The following TENM4 variants were observed in gnomAD, a reference collection of about 807,000 sequenced individuals.
TENM4 encodes the protein teneurin transmembrane protein 4, also known as teneurin-4.
TENM4 carries 82 observed loss-of-function variants against 243.3 expected under a neutral mutation model. The observed-to-expected ratio is 0.34, with a 90% confidence interval of 0.28 to 0.40. The LOEUF (loss-of-function observed/expected upper bound fraction) is 0.40, where lower values mean the gene tolerates loss of function less well. Ranked by LOEUF, TENM4 falls within the 10% of genes least tolerant of loss-of-function variation. TENM4 has a pLI of 1.00. For synonymous variants in TENM4, 1,412 were observed against 1,456.3 expected (o/e 0.97, Z 0.69); for missense variants, 3,138 against 3,673.3 (o/e 0.85, Z 3.77).
At chr11:79,308,730 G>A (rs1856667994) in intron 1 of TENM4, among the ~76,000 whole-genome samples, 1 of 152,156 alleles carries the variant, frequency 6.6e-6, no homozygotes, top group South Asian at 2.1e-4. Context: ...ACAGGCCCCT[G>A]GTGCCTCCCA....
At chr11:78,988,419 T>C (rs962672793) in intron 6 of TENM4, among the ~76,000 whole-genome samples, 7 of 152,198 alleles carry the variant, frequency 4.6e-5, no homozygotes, top group African/African-American at 1.7e-4. Context: ...AAATAATAAA[T>C]GTTGTTGTGC....
chr11:78,968,954 G>A (rs561129618), intron 6 of TENM4, among the ~76,000 whole-genome samples: 1 of 152,344 alleles, frequency 6.6e-6, no homozygotes, highest in African/African-American at 2.4e-5. Context: ...AAAGCCCAAT[G>A]TCGCTGCTGG....
chr11:79,327,242 A>G (rs1054771217), intron 1 of TENM4, among the ~76,000 whole-genome samples: 1 of 152,222 alleles, frequency 6.6e-6, no homozygotes, highest in Non-Finnish European at 1.5e-5. Context: ...TTTCTACAAA[A>G]ATAAAACACT....
At chr11:79,182,543 C>T (rs757229301) in intron 3 of TENM4, among the ~76,000 whole-genome samples, 4 of 151,990 alleles carry the variant, frequency 2.6e-5, no homozygotes, top group Non-Finnish European at 5.9e-5. Context: ...ATGCCAAAAG[C>T]ACAATTCTTG....
intron 9 of TENM4, among the ~76,000 whole-genome samples, chr11:78,864,212 C>A (rs1391000272): frequency 2.0e-5 from 3 of 151,968 alleles, no homozygotes; most frequent in African/African-American, 7.3e-5. Flanking sequence ...TTTCACTGTA[C>A]ACCTTTTGCA....
At chr11:78,747,142 G>A (rs1267343431) in intron 19 of TENM4, among the ~76,000 whole-genome samples, 1 of 152,214 alleles carries the variant, frequency 6.6e-6, no homozygotes, top group Non-Finnish European at 1.5e-5. Context: ...AAGGATGAGG[G>A]AGGAGGGGCT....
intron 6 of TENM4, among the ~76,000 whole-genome samples, chr11:78,973,008 G>GATTTC (rs1194075452): frequency 6.6e-6 from 1 of 152,166 alleles, no homozygotes; most frequent in Non-Finnish European, 1.5e-5. Flanking sequence ...CAACGATTAG[G>GATTTC]ATTTCATTTC....
intron 4 of TENM4, among the ~76,000 whole-genome samples, chr11:79,072,646 A>C (rs1860444947): frequency 6.6e-6 from 1 of 152,218 alleles, no homozygotes; most frequent in Non-Finnish European, 1.5e-5. Context: ...ATTCTCTTTC[A>C]TTTTTAAAAA....
At chr11:79,375,017 T>G (rs1857864507) in intron 1 of TENM4, among the ~76,000 whole-genome samples, 1 of 152,206 alleles carries the variant, frequency 6.6e-6, no homozygotes, top group Non-Finnish European at 1.5e-5. Flanking sequence ...TGAGAAAGAC[T>G]GGAAAGAAAT....
chr11:78,734,927 T>C (rs1544267), intron 20 of TENM4, among the ~76,000 whole-genome samples: 100,135 of 152,122 alleles, frequency 0.66, 33,823 homozygotes, highest in Non-Finnish European at 0.75. Flanking sequence ...CTTCTTACTT[T>C]GGCTGTTACT....
intron 6 of TENM4, among the ~76,000 whole-genome samples, chr11:78,921,266 T>C (rs1856441186): frequency 6.6e-6 from 1 of 152,122 alleles, no homozygotes; most frequent in Non-Finnish European, 1.5e-5. Context: ...TAGAAAGTAA[T>C]GGGGGAGATG....
intron 6 of TENM4, among the ~76,000 whole-genome samples, chr11:78,959,891 G>A (rs1472280434): frequency 6.6e-6 from 1 of 152,084 alleles, no homozygotes; most frequent in African/African-American, 2.4e-5. Context: ...TCTTCTACGT[G>A]TAAGGCTTAC....
chr11:78,669,066 G>A lies in TENM4; in HGVS notation c.7279C>T (p.Arg2427Cys), dbSNP rs774057206. The change falls in exon 32 of 34, where the codon CGC (arginine) becomes TGC (cysteine). Residue 2427 changes from arginine to cysteine, a missense_variant. Physicochemically the swap from Arg to Cys is radical, Grantham distance 180. This residue lies in a region of TENM4 where 2,467 missense variants were observed against 3,059.1 expected (regional missense o/e 0.81). Transcript: ENST00000278550. This position sits in a 1 kb window ranked among gnomAD's most constrained non-coding sequence, Gnocchi z 6.4. ...AGCTCGTGGTCTGGGCTAGTCCAGC[G>A]TCCGGCCAGCACATCATAATCTCGC... Reference protein sequence around the residue: ...GRRDYDVLAGRWTSPDHELWK... With the variant: ...GRRDYDVLAGCWTSPDHELWK... 6.8e-6 allele frequency: 11 copies of A among 1,613,778 alleles called. No individual in the cohort carries two copies. The highest frequency in any genetic ancestry group is 1.1e-5 in the South Asian group (1 of 91,072).
At chr11:79,000,012 T>C (rs181852316) in intron 6 of TENM4, among the ~76,000 whole-genome samples, 7 of 152,060 alleles carry the variant, frequency 4.6e-5, no homozygotes, top group African/African-American at 1.7e-4. Flanking sequence ...ATTTTGAAAA[T>C]TGGTAAGAGA....
intron 6 of TENM4, among the ~76,000 whole-genome samples, chr11:79,026,197 G>T (rs1165775755): frequency 2.6e-5 from 4 of 152,070 alleles, no homozygotes; most frequent in African/African-American, 9.7e-5. Context: ...ATTCATTAAG[G>T]GTATTCTACC....
In TENM4 at chr11:79,164,102, A is replaced by G. The variant is rs1178826164; in HGVS notation, c.-162-15296T>C. ...ACTATATATACTATGTATATATAGT[A>G]TATATACACTATATATACTATGTAT... On this transcript the variant is annotated intron_variant, in intron 3 of 33. Coordinates refer to ENST00000278550, the MANE Select transcript of TENM4 (RefSeq NM_001098816.3). 9.5e-5 allele frequency among the ~76,000 whole-genome samples: 11 copies of G among 115,314 alleles called. No homozygotes were observed. In the South Asian group the frequency reaches 1.1e-3, roughly 11 times the overall value. The allele number at this position is 115,314 out of a possible 152,430, so 75.7% of individuals were successfully genotyped here. A position where few individuals can be genotyped will look rare whatever the true frequency, so the allele number is the denominator to read the frequency against.
intron 12 of TENM4, among the ~76,000 whole-genome samples, chr11:78,834,643 A>G (rs1020803406): frequency 6.6e-6 from 1 of 152,168 alleles, no homozygotes; most frequent in Non-Finnish European, 1.5e-5. Context: ...TGGGATCTAG[A>G]ATGTCATTTT....
At chr11:79,247,037 C>T (rs1590823537) in intron 2 of TENM4, among the ~76,000 whole-genome samples, 1 of 144,710 alleles carries the variant, frequency 6.9e-6, no homozygotes, top group East Asian at 2.2e-4. Flanking sequence ...AATGATAAGG[C>T]TTCTCTTCTA....
intron 1 of TENM4, among the ~76,000 whole-genome samples, chr11:79,427,848 T>C (rs1565342478): frequency 6.6e-6 from 1 of 152,198 alleles, no homozygotes; most frequent in Non-Finnish European, 1.5e-5. Context: ...GAGTATAACA[T>C]AATACGTGGA....
Sources: allele counts gnomAD v4.1 joint callset (sites outside exome capture counted in the v4.1 genomes callset), GRCh38; gene constraint gnomAD v4.1.1; regional missense constraint gnomAD v4.1.1; non-coding constraint Gnocchi (gnomAD v3.1); transcripts MANE v1.5; gene names NCBI Gene and HGNC (gene_info 2026-07-23, HGNC 2026-07-21).